The following CLDN10 variants were observed in gnomAD, a reference collection of about 807,000 sequenced individuals.
CLDN10 encodes claudin 10, also known as claudin-10.
A neutral mutation model predicts 22.9 loss-of-function variants in CLDN10; 15 were observed. The ratio of observed to expected loss-of-function variants is 0.65; its 90% CI spans 0.44 to 1.01. The LOEUF (loss-of-function observed/expected upper bound fraction) is 1.01. Among genes scored for constraint, CLDN10 ranks in the 50% least tolerant of loss-of-function variants. CLDN10 has a pLI of 0.00. For synonymous variants in CLDN10, 114 were observed against 111.4 expected, an observed-to-expected ratio of 1.02 and a Z score of -0.15; for missense variants, 247 against 287.8, an observed-to-expected ratio of 0.86 and a Z score of 1.03.
intron 1 of CLDN10, among the ~76,000 whole-genome samples, chr13:95,519,990 T>G (rs185961897): frequency 6.7e-6 from 1 of 148,722 alleles, no homozygotes; most frequent in East Asian, 2.0e-4. Context: ...AAACTTTCTG[T>G]TTTTCTTTAC....
intron 3 of CLDN10, chr13:95,560,794 G>A (rs943121773): frequency 5.0e-5 from 11 of 220,320 alleles, no homozygotes; most frequent in South Asian, 3.1e-4. Flanking sequence ...AGAATGATGC[G>A]GTGTGCGAAT....
intron 1 of CLDN10, among the ~76,000 whole-genome samples, chr13:95,454,512 C>G (rs2042463601): frequency 6.6e-6 from 1 of 152,080 alleles, no homozygotes; most frequent in Non-Finnish European, 1.5e-5. Context: ...GAGACAGAAC[C>G]ACTGGTGCAG....
intron 1 of CLDN10, among the ~76,000 whole-genome samples, chr13:95,532,260 G>A (rs1044696156): frequency 6.6e-6 from 1 of 152,106 alleles, no homozygotes; most frequent in African/African-American, 2.4e-5. Flanking sequence ...CACTAAGAAT[G>A]TATCTGATAA....
chr13:95,453,669 G>A (rs1793417968), intron 1 of CLDN10, among the ~76,000 whole-genome samples: 1 of 151,006 alleles, frequency 6.6e-6, no homozygotes, highest in African/African-American at 2.4e-5. Flanking sequence ...GGGCAGCAGA[G>A]TGAGATCCAT....
At chr13:95,570,879 T>C (rs2043848653) in intron 3 of CLDN10, among the ~76,000 whole-genome samples, 1 of 146,178 alleles carries the variant, frequency 6.8e-6, no homozygotes, top group South Asian at 2.1e-4. Flanking sequence ...TATATATATA[T>C]ATATAGACCA....
At chr13:95,471,232 A>G (rs182730454) in intron 1 of CLDN10, among the ~76,000 whole-genome samples, 15 of 152,116 alleles carry the variant, frequency 9.9e-5, no homozygotes, top group Admixed American at 2.0e-4. Flanking sequence ...AGAGTAAGGC[A>G]TGTTGGAGTG....
intron 3 of CLDN10, among the ~76,000 whole-genome samples, chr13:95,570,849 T>C (rs1028114527): frequency 3.8e-4 from 27 of 71,816 alleles, no homozygotes; most frequent in African/African-American, 1.9e-4. Flanking sequence ...CACACACACA[T>C]ATACGTGTGT....
At chr13:95,552,502 C>A (rs1273132395), upstream of CLDN10, among the ~76,000 whole-genome samples, 1 of 151,936 alleles carries the variant, frequency 6.6e-6, no homozygotes, top group Non-Finnish European at 1.5e-5. Flanking sequence ...CGGCCTTCCT[C>A]CCGCACGCGG....
intron 1 of CLDN10, among the ~76,000 whole-genome samples, chr13:95,535,060 CA>C (rs2043386057): frequency 6.6e-6 from 1 of 151,854 alleles, no homozygotes; most frequent in South Asian, 2.1e-4. Flanking sequence ...GCTAATTAAG[CA>C]AAAAAGGCAT....
At chr13:95,532,401 C>T (rs2043353772) in intron 1 of CLDN10, among the ~76,000 whole-genome samples, 1 of 152,112 alleles carries the variant, frequency 6.6e-6, no homozygotes, top group African/African-American at 2.4e-5. Context: ...AAGTGCTCAG[C>T]ATCATGAAGT....
At chr13:95,480,151 G>A (rs756655772) in intron 1 of CLDN10, among the ~76,000 whole-genome samples, 35 of 152,172 alleles carry the variant, frequency 2.3e-4, no homozygotes, top group Non-Finnish European at 4.6e-4. Flanking sequence ...ATCAGATCTT[G>A]TGAGACTCAC....
intron 1 of CLDN10, among the ~76,000 whole-genome samples, chr13:95,504,957 G>T (rs939673961): frequency 6.6e-6 from 1 of 152,200 alleles, no homozygotes. Flanking sequence ...TAAAGGTGGT[G>T]AAATTTACCT....
chr13:95,495,044 T>TTAA lies in CLDN10; in HGVS notation c.214+60998_214+60999insAAT, dbSNP rs748187218. ...TATAATTAATTAATTAATTAATTAA[T>TTAA]TTTTTTTTTTAGATGGAGTCTCTCT... On this transcript the variant is annotated intron_variant, in intron 1 of 4. Transcript: ENST00000376873. Among the ~76,000 whole-genome samples the TTAA allele has an allele frequency of 1.3e-3, 183 of 144,308 alleles. 1 individual carries two copies. Among genetic ancestry groups the TTAA allele is most frequent in the African/African-American group, 2.6e-3 (102 of 39,500 alleles). The allele number at this position is 144,308 out of a possible 152,430, so 94.7% of individuals were successfully genotyped here. A position where few individuals can be genotyped will look rare whatever the true frequency, so the allele number is the denominator to read the frequency against.
intron 1 of CLDN10, chr13:95,533,705 G>A (rs974513080): frequency 2.0e-5 from 3 of 152,152 alleles, no homozygotes; most frequent in African/African-American, 7.2e-5. Context: ...TACCTGCAGG[G>A]GCCACACTCT....
At chr13:95,471,222 A>G (rs2042627934) in intron 1 of CLDN10, among the ~76,000 whole-genome samples, 1 of 152,080 alleles carries the variant, frequency 6.6e-6, no homozygotes, top group Non-Finnish European at 1.5e-5. Context: ...AGGAACTGAA[A>G]GAGTAAGGCA....
At position 95,486,905 on chromosome 13, in the gene CLDN10, G is replaced by T. The variant is rs573128855; in HGVS notation, c.214+52858G>T. 2.0e-5 allele frequency among the ~76,000 whole-genome samples: 3 copies of T among 152,246 alleles called. No individual in the cohort carries two copies. The South Asian group carries it at 6.2e-4, about 32-fold the overall frequency. ...GTGCTCAATCAATGAGTTGCACATG[G>T]AAAATTTAAAGAAATAAGGTTTTTG... On this transcript the variant is annotated intron_variant, in intron 1 of 4. Coordinates refer to the CLDN10 transcript ENST00000376873.
chr13:95,507,745 T>G (rs2043053496), intron 1 of CLDN10, among the ~76,000 whole-genome samples: 1 of 152,066 alleles, frequency 6.6e-6, no homozygotes, highest in African/African-American at 2.4e-5. Context: ...TGCCTCAGCC[T>G]CCTGAGTAGC....
intron 1 of CLDN10, among the ~76,000 whole-genome samples, chr13:95,522,650 A>C: frequency 6.6e-6 from 1 of 152,050 alleles, no homozygotes; most frequent in Non-Finnish European, 1.5e-5. Flanking sequence ...TAGATTGTAC[A>C]CTAAAACCCC....
chr13:95,444,013 A>G (rs1175935333), intron 1 of CLDN10, among the ~76,000 whole-genome samples: 1 of 152,124 alleles, frequency 6.6e-6, no homozygotes, highest in African/African-American at 2.4e-5. Context: ...CTACTCCTTT[A>G]AGACTTCATA....
Sources: allele counts gnomAD v4.1 joint callset (sites outside exome capture counted in the v4.1 genomes callset), GRCh38; gene constraint gnomAD v4.1.1; transcripts MANE v1.5; gene names NCBI Gene and HGNC (gene_info 2026-07-23, HGNC 2026-07-21).